Variants in ANKRD53 observed in about 807,000 individuals in gnomAD.
ANKRD53 encodes ankyrin repeat domain 53.
ANKRD53 carries 27 observed loss-of-function variants against 30.1 expected under a neutral mutation model. The ratio of observed to expected loss-of-function variants is 0.90; its 90% CI spans 0.66 to 1.24. The LOEUF is 1.24. Ranked by LOEUF, ANKRD53 falls within the 50% of genes most tolerant of loss-of-function variation. The pLI is 0.00. For synonymous variants in ANKRD53, 286 were observed against 295.4 expected, an observed-to-expected ratio of 0.97 and a Z score of 0.33; for missense variants, 682 against 721.0, an observed-to-expected ratio of 0.95 and a Z score of 0.62.
chr2:70,983,971 G>T (rs1015703114), intron 5 of ANKRD53: 4 of 678,546 alleles, frequency 5.9e-6, no homozygotes, highest in African/African-American at 1.8e-5. Context: ...GGAAGGCTCC[G>T]TGGAGGCAAG....
Position 70,978,872 on chromosome 2 carries a change from T to A in ANKRD53, c.170+57T>A. 1 of 1,522,564 alleles carries A rather than the reference T, an allele frequency of 6.6e-7. No individual in the cohort carries two copies. The highest frequency in any genetic ancestry group is 1.2e-5 in the South Asian group (1 of 80,738). The allele number at this position is 1,522,564 out of a possible 1,614,324, so 94.3% of individuals were successfully genotyped here. A position where few individuals can be genotyped will look rare whatever the true frequency, so the allele number is the denominator to read the frequency against. Reference sequence around the variant, plus strand: ...GGGAGCGAGAACCCGGCCCAGCGCCTCCCTGGTGGGCAGGGCCTGGAGCGG... The same window carrying A: ...GGGAGCGAGAACCCGGCCCAGCGCCACCCTGGTGGGCAGGGCCTGGAGCGG... On this transcript the variant is annotated intron_variant, in intron 1 of 5. Coordinates refer to ENST00000360589, the MANE Select transcript of ANKRD53 (RefSeq NM_001115116.2). The surrounding 1 kb of genome is among the most constrained non-coding windows in gnomAD (Gnocchi z 4.3).
In ANKRD53 at chr2:70,978,780, G is replaced by A. The variant is rs1387936274; in HGVS notation, c.135G>A (p.Lys45=). 1 of 1,572,350 alleles carries A rather than the reference G, an allele frequency of 6.4e-7. No individual in the cohort carries two copies. Among genetic ancestry groups the A allele is most frequent in the Non-Finnish European group, 8.6e-7 (1 of 1,159,822 alleles). ...SMQQANKVSL[K]ATWTDAESKQ... ...AGCAGGCGAACAAAGTCTCCTTGAAGGCCACCTGGACTGACGCGGAGTCCA... is the reference window on the plus strand; with the variant it reads ...AGCAGGCGAACAAAGTCTCCTTGAAAGCCACCTGGACTGACGCGGAGTCCA... Residue 45 remains lysine (K), a synonymous_variant, in exon 1 of 6, where the codon AAG becomes AAA. Transcript: ENST00000360589. This position sits in a 1 kb window ranked among gnomAD's most constrained non-coding sequence, Gnocchi z 4.3.
chr2:70,978,978 G>T lies in ANKRD53; in HGVS notation c.171-119G>T. On this transcript the variant is annotated intron_variant, in intron 1 of 5. Transcript: ENST00000360589. The surrounding 1 kb of genome is among the most constrained non-coding windows in gnomAD (Gnocchi z 4.3). ...TCGCCTCCCGAGAGGTGCCTAGGCC[G>T]TGGCCCAGAGTCGCTTCCCCACTGC... 3 of 1,445,858 alleles carry T rather than the reference G, an allele frequency of 2.1e-6. No homozygotes were observed. The highest frequency in any genetic ancestry group is 1.5e-5 in the South Asian group (1 of 68,006). 89.6% of individuals were successfully genotyped at this position (1,445,858 alleles called of 1,614,324 possible).
rs1265878994 is a variant in ANKRD53 at position 70,982,483 on chromosome 2, C to T, written c.783-94C>T. The T allele has an allele frequency of 3.2e-6, 5 of 1,549,762 alleles. No individual in the cohort carries two copies. The highest frequency in any genetic ancestry group is 1.8e-5 in the Admixed American group (1 of 56,502). On this transcript the variant is annotated intron_variant, in intron 4 of 5. Coordinates refer to ENST00000360589, the MANE Select transcript of ANKRD53 (RefSeq NM_001115116.2). The surrounding 1 kb of genome is among the most constrained non-coding windows in gnomAD (Gnocchi z 4.2). ...CTCTCCCTCTGGCCACTCCCCTCAT[C>T]CCCATCCAAGCCCTCAGCAGCAGCC...
At chr2:70,981,374 G>C (rs1377546963) in intron 3 of ANKRD53, among the ~76,000 whole-genome samples, 1 of 151,972 alleles carries the variant, frequency 6.6e-6, no homozygotes, top group African/African-American at 2.4e-5. Flanking sequence ...TGGTGTAGGG[G>C]GTAAAGCAGG....
Position 70,985,124 on chromosome 2 carries a change from G to A in ANKRD53, c.1417G>A (p.Gly473Ser). 1 of 1,551,238 alleles carries A rather than the reference G, an allele frequency of 6.4e-7. No homozygotes were observed. The highest frequency in any genetic ancestry group is 8.7e-7 in the Non-Finnish European group (1 of 1,146,996). The stretch of plus-strand genomic sequence containing the variant: ...GCCATACAGAATGAAGGTGCCCCAG[G>A]GCTTTTACCCCATCAGCATGAGGGA... ...VWPYRMKVPQ[G>S]FYPISMREVP... is the part of the protein sequence containing the mutation. The change falls in exon 6 of 6, where the codon GGC (glycine) becomes AGC (serine). Residue 473 changes from glycine to serine, a missense_variant. Coordinates refer to ENST00000360589, the MANE Select transcript of ANKRD53 (RefSeq NM_001115116.2).
chr2:70,978,633 T>C lies in ANKRD53; in HGVS notation c.-13T>C, dbSNP rs1260142077. ...GTAGCCCGCCCGGCCCGGGTCCGAG[T>C]TCCAGCCCCGCGATGGCCTCCGCGG... is the stretch of plus-strand genomic sequence containing the variant. On this transcript the variant is annotated 5_prime_UTR_variant, in exon 1 of 6. Coordinates refer to ENST00000360589, the MANE Select transcript of ANKRD53 (RefSeq NM_001115116.2). The surrounding 1 kb of genome is among the most constrained non-coding windows in gnomAD (Gnocchi z 4.3). The C allele has an allele frequency of 1.5e-5, 23 of 1,511,886 alleles. No individual in the cohort carries two copies. In the African/African-American group the frequency reaches 2.3e-4, roughly 15 times the overall value. The allele number at this position is 1,511,886 out of a possible 1,614,324, so 93.7% of individuals were successfully genotyped here.
chr2:70,982,014 G>A lies in ANKRD53; in HGVS notation c.696G>A (p.Gln232=). ...GLLDCVKVLV[Q]SGANVHAQDA... ...TGGACTGTGTGAAGGTCCTGGTGCAGAGTGGCGCCAACGTCCATGCCCAAG... is the reference window on the plus strand; with the variant it reads ...TGGACTGTGTGAAGGTCCTGGTGCAAAGTGGCGCCAACGTCCATGCCCAAG... The change falls in exon 4 of 6, where the codon CAG becomes CAA. Residue 232 remains glutamine, a synonymous_variant. Coordinates refer to ENST00000360589, the MANE Select transcript of ANKRD53 (RefSeq NM_001115116.2). The surrounding 1 kb of genome is among the most constrained non-coding windows in gnomAD (Gnocchi z 4.2). The A allele has an allele frequency of 6.2e-7, 1 of 1,613,798 alleles. No homozygotes were observed. Among genetic ancestry groups the A allele is most frequent in the East Asian group, 2.2e-5 (1 of 44,850 alleles).
rs1553423259 is a variant in ANKRD53 at position 70,979,880 on chromosome 2, G to A, written c.617+20G>A. ...CAATGCGTGAGTCCAGCCTGCTTCA[G>A]GAGGGAGGCTTCGGGCACAGGCACG... is the stretch of plus-strand genomic sequence containing the variant. On this transcript the variant is annotated intron_variant, in intron 3 of 5. Transcript: ENST00000360589. 2 of 1,614,056 alleles carry A rather than the reference G, an allele frequency of 1.2e-6. No homozygotes were observed. The highest frequency in any genetic ancestry group is 1.7e-6 in the Non-Finnish European group (2 of 1,179,992).
At position 70,982,226 on chromosome 2, in the gene ANKRD53, G is replaced by T; in HGVS notation, c.782+126G>T. The stretch of plus-strand genomic sequence containing the variant: ...GGGAAGCCAGACAGCTGGAGGATGC[G>T]CCTACTGCCCAGGATATTTTGGATG... On this transcript the variant is annotated intron_variant, in intron 4 of 5. Transcript: ENST00000360589. This position sits in a 1 kb window ranked among gnomAD's most constrained non-coding sequence, Gnocchi z 4.2. The T allele has an allele frequency of 1.7e-6, 2 of 1,161,268 alleles. No individual in the cohort carries two copies. The highest frequency in any genetic ancestry group is 5.9e-5 in the Admixed American group (2 of 34,074). 71.9% of individuals were successfully genotyped at this position (1,161,268 alleles called of 1,614,324 possible).
Position 70,982,859 on chromosome 2 carries a change from G to A in ANKRD53, c.903+162G>A, listed in dbSNP as rs1215523845. ...CACCGGGTACTCTGACTGAAATTCC[G>A]CTCTTTTAAATAAGCCAGTCTTTTG... is the stretch of plus-strand genomic sequence containing the variant. On this transcript the variant is annotated intron_variant, in intron 5 of 5. Transcript: ENST00000360589. The surrounding 1 kb of genome is among the most constrained non-coding windows in gnomAD (Gnocchi z 4.2). Among the ~76,000 whole-genome samples the A allele has an allele frequency of 2.6e-5, 4 of 152,128 alleles. No homozygotes were observed. The highest frequency in any genetic ancestry group is 5.9e-5 in the Non-Finnish European group (4 of 68,020).
chr2:70,981,864 CATCT>C, intron 3 of ANKRD53, 68 bp from the exon 4 acceptor site: 2 of 1,451,992 alleles, frequency 1.4e-6, no homozygotes, highest in South Asian at 1.5e-5. Flanking sequence ...CTGGTGTGTC[CATCT>C]ATCTGATGGA....
In ANKRD53 at chr2:70,982,034, C is replaced by A. The variant is rs782371397; in HGVS notation, c.716C>A (p.Ala239Asp). ...GTGCAGAGTGGCGCCAACGTCCATG[C>A]CCAAGATGCCATGGGCTACAAACCC... Reference protein sequence around the residue: ...VLVQSGANVHAQDAMGYKPID... With the variant: ...VLVQSGANVHDQDAMGYKPID... Residue 239 changes from alanine to aspartate, a missense_variant, in exon 4 of 6, where the codon GCC (alanine) becomes GAC (aspartate). Coordinates refer to ENST00000360589, the MANE Select transcript of ANKRD53 (RefSeq NM_001115116.2). The surrounding 1 kb of genome is among the most constrained non-coding windows in gnomAD (Gnocchi z 4.2). 1.2e-6 allele frequency: 2 copies of A among 1,613,758 alleles called. No homozygotes were observed. The highest frequency in any genetic ancestry group is 1.7e-6 in the Non-Finnish European group (2 of 1,179,828).
chr2:70,978,676 G>A lies in ANKRD53; in HGVS notation c.31G>A (p.Ala11Thr), dbSNP rs1553422812. 1.3e-6 allele frequency: 2 copies of A among 1,543,582 alleles called. No homozygotes were observed. Among genetic ancestry groups the A allele is most frequent in the South Asian group, 2.4e-5 (2 of 83,294 alleles). The change falls in exon 1 of 6, where the codon GCG becomes ACG. Residue 11 changes from alanine to threonine, a missense_variant. Coordinates refer to ENST00000360589, the MANE Select transcript of ANKRD53 (RefSeq NM_001115116.2). The surrounding 1 kb of genome is among the most constrained non-coding windows in gnomAD (Gnocchi z 4.3). Reference sequence around the variant, plus strand: ...CTCCGCGGGCAGCACCGCTCGGCGGGCGGGCTCCGGAAGCTGGCACTCAGA... The same window carrying A: ...CTCCGCGGGCAGCACCGCTCGGCGGACGGGCTCCGGAAGCTGGCACTCAGA... MASAGSTARRAGSGSWHSERG... is the reference protein window; with the variant it reads MASAGSTARRTGSGSWHSERG...
Position 70,985,175 on chromosome 2 carries a change from G to A in ANKRD53, c.1468G>A (p.Asp490Asn), listed in dbSNP as rs1406312044. ...REVPRKRHLG[D>N]NTFWTDTLAM... ...AGTGCCCAGGAAGCGGCACCTGGGTGACAACACCTTCTGGACCGACACTCT... is the reference window on the plus strand; with the variant it reads ...AGTGCCCAGGAAGCGGCACCTGGGTAACAACACCTTCTGGACCGACACTCT... Residue 490 changes from aspartate to asparagine, a missense_variant, in exon 6 of 6, where the codon GAC (aspartate) becomes AAC (asparagine). Coordinates refer to ENST00000360589, the MANE Select transcript of ANKRD53 (RefSeq NM_001115116.2). 10 of 1,551,254 alleles carry A rather than the reference G, an allele frequency of 6.4e-6. No homozygotes were observed. The East Asian group carries it at 2.0e-4, about 30-fold the overall frequency.
At position 70,982,145 on chromosome 2, in the gene ANKRD53, T is replaced by TC. The variant is rs781795739; in HGVS notation, c.782+50dup. 6.7e-7 allele frequency: 1 copy of TC among 1,503,506 alleles called. No homozygotes were observed. The highest frequency in any genetic ancestry group is 9.0e-7 in the Non-Finnish European group (1 of 1,117,044). The allele number at this position is 1,503,506 out of a possible 1,614,324, so 93.1% of individuals were successfully genotyped here. A position where few individuals can be genotyped will look rare whatever the true frequency, so the allele number is the denominator to read the frequency against. On this transcript the variant is annotated intron_variant, in intron 4 of 5. Coordinates refer to ENST00000360589, the MANE Select transcript of ANKRD53 (RefSeq NM_001115116.2). This position sits in a 1 kb window ranked among gnomAD's most constrained non-coding sequence, Gnocchi z 4.2. ...CTGGAGCCTGCCCACCCCCTTCCCC[T>TC]CCCCCAGCCTTTTCCCTAGGGCCCT...
Position 70,978,634 on chromosome 2 carries a change from TC to T in ANKRD53, c.-10del. 6.6e-7 allele frequency: 1 copy of T among 1,520,730 alleles called. No individual in the cohort carries two copies. Among genetic ancestry groups the T allele is most frequent in the South Asian group, 1.2e-5 (1 of 80,978 alleles). 94.2% of individuals were successfully genotyped at this position (1,520,730 alleles called of 1,614,324 possible). On this transcript the variant is annotated 5_prime_UTR_variant, in exon 1 of 6. Coordinates refer to ENST00000360589, the MANE Select transcript of ANKRD53 (RefSeq NM_001115116.2). This position sits in a 1 kb window ranked among gnomAD's most constrained non-coding sequence, Gnocchi z 4.3. ...TAGCCCGCCCGGCCCGGGTCCGAGT[TC>T]CAGCCCCGCGATGGCCTCCGCGGGC...
Position 70,979,750 on chromosome 2 carries a change from G to C in ANKRD53, c.507G>C (p.Leu169=), listed in dbSNP as rs371381648. 330 of 1,614,136 alleles carry C rather than the reference G, an allele frequency of 2.0e-4. No homozygotes were observed. The highest frequency in any genetic ancestry group is 2.7e-4 in the Non-Finnish European group (318 of 1,180,060). The change falls in exon 3 of 6, where the codon CTG becomes CTC. Residue 169 remains leucine (L), a synonymous_variant. Coordinates refer to ENST00000360589, the MANE Select transcript of ANKRD53 (RefSeq NM_001115116.2). ...AGGAGTACAAGTTTCCCGTGGACCT[G>C]CTGACCAACAATAGCCAGACACCCC... is the stretch of plus-strand genomic sequence containing the variant. The part of the protein sequence containing the change: ...LVEEYKFPVD[L]LTNNSQTPLH...
chr2:70,981,449 TG>T (rs1250419914), intron 3 of ANKRD53, among the ~76,000 whole-genome samples: 12 of 152,086 alleles, frequency 7.9e-5, no homozygotes, highest in African/African-American at 2.9e-4. Flanking sequence ...AATTGGAACC[TG>T]AAGACAGAGT....
Sources: gnomAD v4.1 joint callset for allele counts (sites outside exome capture counted in the v4.1 genomes callset) on GRCh38, gnomAD v4.1.1 for gene constraint, Gnocchi (gnomAD v3.1) non-coding constraint, MANE v1.5 for transcripts, NCBI Gene and HGNC (gene_info 2026-07-23, HGNC 2026-07-21) for gene names.